The following SRA1 variants were observed in gnomAD, a reference collection of about 807,000 sequenced individuals.
The protein encoded by SRA1 is steroid receptor RNA activator 1.
SRA1 carries 25 observed loss-of-function variants against 24.3 expected under a neutral mutation model. The ratio of observed to expected loss-of-function variants is 1.03; its 90% CI spans 0.75 to 1.43. The LOEUF (loss-of-function observed/expected upper bound fraction) is 1.43. Among genes scored for constraint, SRA1 ranks in the 40% most tolerant of loss-of-function variants. The pLI is 0.00. For synonymous variants in SRA1, 104 were observed against 109.5 expected (o/e 0.95, Z 0.31); for missense variants, 303 against 286.6 (o/e 1.06, Z -0.41).
rs988162917 is a variant in SRA1, at chr5:140,557,290, G to C, written c.26-18C>G. ...CTTGTTGCCTGCGGAGGCGAGGGAT[G>C]TGTGAAGCGAGCCCGGAACTCCACT... On this transcript the variant is annotated intron_variant, in intron 1 of 4. Transcript: ENST00000336283. The C allele has an allele frequency of 1.8e-5, 29 of 1,609,284 alleles. No homozygotes were observed. Among genetic ancestry groups the C allele is most frequent in the Non-Finnish European group, 2.4e-5 (28 of 1,179,886 alleles).
intron 3 of SRA1, 179 bp from the exon 4 acceptor site, chr5:140,551,348 GTCT>G (rs1754556117): frequency 3.5e-6 from 2 of 570,624 alleles, no homozygotes; most frequent in Non-Finnish European, 6.2e-6. Flanking sequence ...TTTCCCTGCT[GTCT>G]TCTTCTGACA....
chr5:140,556,629 C>A (rs1401604211), intron 2 of SRA1, among the ~76,000 whole-genome samples: 1 of 152,086 alleles, frequency 6.6e-6, no homozygotes, highest in Non-Finnish European at 1.5e-5. Flanking sequence ...ATCTTTCAGC[C>A]CATCTCCAGT....
At position 140,551,062 on chromosome 5, in the gene SRA1, T is replaced by C. The variant is rs765512801; in HGVS notation, c.462A>G (p.Gln154=). The C allele has an allele frequency of 1.2e-6, 2 of 1,612,878 alleles. No individual in the cohort carries two copies. The highest frequency in any genetic ancestry group is 2.2e-5 in the East Asian group (1 of 44,872). ...PVKKRMALLV[Q]ELSSHRWDAA... is the part of the protein sequence containing the mutation. The stretch of plus-strand genomic sequence containing the variant: ...CTATACCAAAGAACCCACCCATACC[T>C]TGCACCAGTAGAGCCATTCTCTTCT... The change falls in exon 4 of 5, where the codon CAA becomes CAG. Residue 154 remains glutamine, a splice_region_variant and synonymous_variant. Coordinates refer to ENST00000336283, the MANE Select transcript of SRA1 (RefSeq NM_001035235.4).
At chr5:140,551,019 G>C in intron 4 of SRA1, 42 bp downstream of exon 4, 1 of 1,583,772 alleles carries the variant, frequency 6.3e-7, no homozygotes, top group Non-Finnish European at 8.7e-7. Flanking sequence ...GCCAACCACA[G>C]CAGGAAAGGG....
upstream of SRA1, chr5:140,557,477 G>GCAGCGCGT: frequency 6.4e-7 from 1 of 1,550,514 alleles, no homozygotes; most frequent in South Asian, 1.2e-5. Context: ...GGCCAGCGGG[G>GCAGCGCGT]CAGCGCGTCA....
At position 140,550,681 on chromosome 5, in the gene SRA1, G is replaced by C. The variant is rs376224288; in HGVS notation, c.*19C>G. On this transcript the variant is annotated 3_prime_UTR_variant, in exon 5 of 5. Coordinates refer to ENST00000336283, the MANE Select transcript of SRA1 (RefSeq NM_001035235.4). ...CAAGGCATAGGAGATGGTGTCCGGTGAGTCTGGGGAACCGAGGATTATGAA... is the reference window on the plus strand; with the variant it reads ...CAAGGCATAGGAGATGGTGTCCGGTCAGTCTGGGGAACCGAGGATTATGAA... 6.2e-7 allele frequency: 1 copy of C among 1,612,078 alleles called. No individual in the cohort carries two copies. Among genetic ancestry groups the C allele is most frequent in the Admixed American group, 1.7e-5 (1 of 60,018 alleles).
intron 2 of SRA1, among the ~76,000 whole-genome samples, chr5:140,553,965 T>C (rs1413529799): frequency 6.6e-6 from 1 of 152,192 alleles, no homozygotes; most frequent in Non-Finnish European, 1.5e-5. Context: ...AGTTTACTTT[T>C]AGGTACCAAC....
At chr5:140,556,116 GT>G (rs1754685670) in intron 2 of SRA1, among the ~76,000 whole-genome samples, 1 of 152,236 alleles carries the variant, frequency 6.6e-6, no homozygotes, top group Non-Finnish European at 1.5e-5. Context: ...AGAAGTCAGA[GT>G]TGCTGATTAA....
upstream of SRA1, chr5:140,557,483 C>T (rs1368319626): frequency 2.6e-6 from 4 of 1,547,792 alleles, no homozygotes; most frequent in African/African-American, 4.1e-5. Context: ...CGGGGCAGCG[C>T]GTCATTTCCG....
At position 140,557,237 on chromosome 5, in the gene SRA1, A is replaced by C. The variant is rs1754740914; in HGVS notation, c.61T>G (p.Phe21Val). 1 of 1,612,990 alleles carries C rather than the reference A, an allele frequency of 6.2e-7. No individual in the cohort carries two copies. The highest frequency in any genetic ancestry group is 1.7e-5 in the Admixed American group (1 of 59,998). The change falls in exon 2 of 5, where the codon TTC becomes GTC. Residue 21 changes from phenylalanine to valine, a missense_variant. By Grantham distance (50) the Phe-to-Val change is conservative. Coordinates refer to ENST00000336283, the MANE Select transcript of SRA1 (RefSeq NM_001035235.4). ...KERGWNDPPQ[F>V]SYGLQTQAGG... ...GCCTGGGTCTGCAGCCCGTATGAGA[A>C]CTGCGGCGGGTCGTTCCAGCCGCGT...
intron 2 of SRA1, among the ~76,000 whole-genome samples, chr5:140,556,605 C>T (rs562473163): frequency 6.6e-6 from 1 of 152,170 alleles, no homozygotes; most frequent in Non-Finnish European, 1.5e-5. Context: ...CTGTAGCACC[C>T]TCACCACTAT....
At chr5:140,557,527 T>A, upstream of SRA1, 1 of 1,502,480 alleles carries the variant, frequency 6.7e-7, no homozygotes, top group South Asian at 1.2e-5. Flanking sequence ...TTGAGACACG[T>A]CCAGGGCCAG....
chr5:140,552,261 A>T, intron 2 of SRA1, 77 bp from the exon 3 acceptor site: 1 of 1,114,628 alleles, frequency 9.0e-7, no homozygotes, highest in Non-Finnish European at 1.3e-6. Context: ...CCCTTCTAAG[A>T]AGGGCTACTC....
Position 140,551,093 on chromosome 5 carries a change from G to C in SRA1, c.431C>G (p.Pro144Arg). 3.7e-6 allele frequency: 6 copies of C among 1,614,080 alleles called. No homozygotes were observed. The highest frequency in any genetic ancestry group is 5.1e-6 in the Non-Finnish European group (6 of 1,179,984). ...CAGTAGAGCCATTCTCTTCTTTACAGGTATTGACAACTTTCCTCCAGCCCA... is the reference window on the plus strand; with the variant it reads ...CAGTAGAGCCATTCTCTTCTTTACACGTATTGACAACTTTCCTCCAGCCCA... ...EQWAGGKLSI[P>R]VKKRMALLVQ... Residue 144 changes from proline (P) to arginine (R), a missense_variant, in exon 4 of 5, where the codon CCT becomes CGT. Transcript: ENST00000336283.
intron 2 of SRA1, among the ~76,000 whole-genome samples, chr5:140,553,307 TA>T (rs551082593): frequency 0.011 from 1,453 of 127,850 alleles, 12 homozygotes; most frequent in African/African-American, 0.029. Flanking sequence ...AAGACCCTCT[TA>T]AAAAAAAAAA....
rs766340861 is a variant in SRA1 at position 140,557,162 on chromosome 5, C to G, written c.136G>C (p.Asp46His). 3 of 1,609,198 alleles carry G rather than the reference C, an allele frequency of 1.9e-6. No homozygotes were observed. In the East Asian group the frequency reaches 6.7e-5, roughly 36 times the overall value. The stretch of plus-strand genomic sequence containing the variant: ...CCCCACGCACCTCTGGGGGATCCAT[C>G]CTGGGGTGCGGCGACCCTCTTGGTA... ...LLTKRVAAPQDGSPRVPASET... is the reference protein window; with the variant it reads ...LLTKRVAAPQHGSPRVPASET... The change falls in exon 2 of 5, where the codon GAT (aspartate) becomes CAT (histidine). Residue 46 changes from aspartate to histidine, a missense_variant. Physicochemically the swap from Asp to His is moderately conservative, Grantham distance 81 (BLOSUM62 -1). Transcript: ENST00000336283.
rs368063259 is a variant in SRA1 at position 140,557,370 on chromosome 5, C to G, written c.25+58G>C. On this transcript the variant is annotated intron_variant, in intron 1 of 4. Transcript: ENST00000336283. Reference sequence around the variant, plus strand: ...GAGGGTCCATACTAAGCGCCGCAACCGCCCCCAGCCTAGGCCGGGGCGACA... The same window carrying G: ...GAGGGTCCATACTAAGCGCCGCAACGGCCCCCAGCCTAGGCCGGGGCGACA... 95 of 1,602,810 alleles carry G rather than the reference C, an allele frequency of 5.9e-5. 1 individual carries two copies. The highest frequency in any genetic ancestry group is 1.3e-5 in the African/African-American group (1 of 74,842).
rs2127115228 is a variant in SRA1 at position 140,550,647 on chromosome 5, G to C, written c.*53C>G. 1 of 1,559,898 alleles carries C rather than the reference G, an allele frequency of 6.4e-7. No individual in the cohort carries two copies. The highest frequency in any genetic ancestry group is 2.2e-5 in the East Asian group (1 of 44,568). On this transcript the variant is annotated 3_prime_UTR_variant, in exon 5 of 5. Coordinates refer to ENST00000336283, the MANE Select transcript of SRA1 (RefSeq NM_001035235.4). Reference sequence around the variant, plus strand: ...GTGGTAAGAAGGGAGCCAAGTGACAGAAGGTCTCCAAGGCATAGGAGATGG... The same window carrying C: ...GTGGTAAGAAGGGAGCCAAGTGACACAAGGTCTCCAAGGCATAGGAGATGG...
chr5:140,556,669 A>T (rs1453236438), intron 2 of SRA1, among the ~76,000 whole-genome samples: 2 of 131,018 alleles, frequency 1.5e-5, no homozygotes, highest in Non-Finnish European at 3.3e-5. Context: ...GAAAGCAGAG[A>T]TCTTTTTTTT....
Sources: allele counts gnomAD v4.1 joint callset (sites outside exome capture counted in the v4.1 genomes callset), GRCh38; gene constraint gnomAD v4.1.1; transcripts MANE v1.5; gene names NCBI Gene and HGNC (gene_info 2026-07-23, HGNC 2026-07-21).